Variants in DPP6 observed in about 807,000 individuals in gnomAD.
DPP6 encodes the protein dipeptidyl peptidase like 6, also known as A-type potassium channel modulatory protein DPP6.
A neutral mutation model predicts 122.6 loss-of-function variants in DPP6; 69 were observed. The ratio of observed to expected loss-of-function variants is 0.56; its 90% CI spans 0.46 to 0.69. The LOEUF (loss-of-function observed/expected upper bound fraction) is 0.69. Ranked by LOEUF, DPP6 falls within the 30% of genes least tolerant of loss-of-function variation. The pLI is 0.00. For synonymous variants in DPP6, 418 were observed against 433.1 expected, an observed-to-expected ratio of 0.97 and a Z score of 0.43; for missense variants, 928 against 1,116.9, an observed-to-expected ratio of 0.83 and a Z score of 2.41.
chr7:154,053,150 G>C (rs891056548), intron 1 of DPP6, 87 bp downstream of exon 1: 28 of 916,732 alleles, frequency 3.1e-5, no homozygotes, highest in South Asian at 2.9e-4. Flanking sequence ...AATTTTTTTT[G>C]GGGGGGGAAT....
At chr7:154,128,494 T>C (rs28475733) in intron 1 of DPP6, among the ~76,000 whole-genome samples, 1 of 152,086 alleles carries the variant, frequency 6.6e-6, no homozygotes, top group Non-Finnish European at 1.5e-5. Flanking sequence ...CTCCGCCTCC[T>C]GGGTTCACGC....
intron 1 of DPP6, among the ~76,000 whole-genome samples, chr7:154,375,825 T>G (rs1483656451): frequency 6.6e-6 from 1 of 152,206 alleles, no homozygotes; most frequent in Non-Finnish European, 1.5e-5. Flanking sequence ...TGGTGACCTC[T>G]CAAGACCTTT....
intron 6 of DPP6, among the ~76,000 whole-genome samples, chr7:154,645,984 T>G (rs979313005): frequency 8.2e-6 from 1 of 121,226 alleles, no homozygotes; most frequent in African/African-American, 3.1e-5. Context: ...GCCGAGACTG[T>G]GCCACTGCAC....
chr7:154,094,315 T>C (rs1422056395), intron 1 of DPP6: 6 of 152,304 alleles, frequency 3.9e-5, no homozygotes, highest in Non-Finnish European at 8.8e-5. Context: ...AAGGGAAAGT[T>C]AGCACTGTTG....
intron 8 of DPP6, among the ~76,000 whole-genome samples, chr7:154,753,549 G>A (rs901407333): frequency 7.2e-5 from 11 of 152,196 alleles, no homozygotes; most frequent in Non-Finnish European, 2.9e-5. Flanking sequence ...CTGTGTTTGA[G>A]AGAAGGCTGT....
intron 6 of DPP6, among the ~76,000 whole-genome samples, chr7:154,650,354 G>A (rs564412968): frequency 6.6e-6 from 1 of 151,880 alleles, no homozygotes; most frequent in East Asian, 1.9e-4. Context: ...TGGAGAGGAG[G>A]GCAGAGGAGG....
At chr7:154,388,267 A>G (rs967414909) in intron 1 of DPP6, among the ~76,000 whole-genome samples, 2 of 152,210 alleles carry the variant, frequency 1.3e-5, no homozygotes, top group Non-Finnish European at 2.9e-5. Context: ...AGCCTGGGCA[A>G]CAGAGTGAGA....
At position 154,225,726 on chromosome 7, in the gene DPP6, CA is replaced by C. The variant is rs1585676039; in HGVS notation, c.243+172664del. Among the ~76,000 whole-genome samples the C allele has an allele frequency of 4.6e-5, 7 of 151,982 alleles. No homozygotes were observed. The East Asian group carries it at 1.4e-3, about 29-fold the overall frequency. ...GATAAATAGCCTGATATTTAAAGAA[CA>C]GAGACATTTACTAACTTTTCTAAAG... On this transcript the variant is annotated intron_variant, in intron 1 of 25. Coordinates refer to ENST00000377770, the MANE Select transcript of DPP6 (RefSeq NM_130797.4).
chr7:154,305,041 AGCCCCAGCCCCAGCCC>A (rs1371070874), intron 1 of DPP6: 1 of 11,912 alleles, frequency 8.4e-5, no homozygotes, highest in East Asian at 2.3e-3. Flanking sequence ...CCCCAGCCCC[AGCCCCAGCCCCAGCCC>A]CAGCCCCAGC....
At chr7:154,519,177 A>G (rs1826774776) in intron 3 of DPP6, among the ~76,000 whole-genome samples, 1 of 152,226 alleles carries the variant, frequency 6.6e-6, no homozygotes, top group South Asian at 2.1e-4. Flanking sequence ...GGTCAAAGTC[A>G]GAAGGGAAAG....
At chr7:153,814,595 C>T in the DPP6 span, among the ~76,000 whole-genome samples, 1 of 152,166 alleles carries the variant, frequency 6.6e-6, no homozygotes, top group South Asian at 2.1e-4. Flanking sequence ...GGAATCCTCC[C>T]TAATTCATTT....
rs185005995 is a variant in DPP6, at chr7:154,018,093, G to A, written c.51+130359G>A. ...AGCTGGGCACTCAGGGTTATATGTGGTAGCCACAGCAGGGTGATTTGCAAC... is the reference window on the plus strand; with the variant it reads ...AGCTGGGCACTCAGGGTTATATGTGATAGCCACAGCAGGGTGATTTGCAAC... On this transcript the variant is annotated intron_variant, in intron 1 of 25. Coordinates refer to the DPP6 transcript ENST00000404039. Among the ~76,000 whole-genome samples the A allele has an allele frequency of 9.4e-3, 1,432 of 152,150 alleles. 17 individuals carry two copies. The highest frequency in any genetic ancestry group is 0.015 in the Admixed American group (229 of 15,274).
At chr7:153,995,054 G>C (rs1282924353) in intron 1 of DPP6, among the ~76,000 whole-genome samples, 1 of 152,206 alleles carries the variant, frequency 6.6e-6, no homozygotes, top group Non-Finnish European at 1.5e-5. Flanking sequence ...AGCCTGCCTG[G>C]AGCAAAGGAA....
intron 1 of DPP6, among the ~76,000 whole-genome samples, chr7:154,318,027 A>G (rs1163223836): frequency 3.3e-5 from 5 of 152,236 alleles, no homozygotes; most frequent in Non-Finnish European, 7.3e-5. Flanking sequence ...GAAACTCCAA[A>G]TAACTTTTAG....
the DPP6 span, among the ~76,000 whole-genome samples, chr7:153,786,770 T>C: frequency 2.0e-5 from 2 of 101,962 alleles, no homozygotes; most frequent in Non-Finnish European, 4.5e-5. Flanking sequence ...AAAGATATAC[T>C]ACTATTTTGG....
intron 21 of DPP6, chr7:154,884,659 TCA>T (rs142417993): frequency 0.33 from 48,969 of 149,000 alleles, 8,102 homozygotes; most frequent in East Asian, 0.51. Flanking sequence ...CCATACATGC[TCA>T]CACACACACA....
At chr7:154,365,015 G>T (rs1812035005) in intron 1 of DPP6, among the ~76,000 whole-genome samples, 1 of 152,104 alleles carries the variant, frequency 6.6e-6, no homozygotes, top group Non-Finnish European at 1.5e-5. Flanking sequence ...GAAGTGGGAG[G>T]GTTCTATCAG....
chr7:154,587,877 A>AT (rs1450314528), intron 5 of DPP6: 1 of 1,612,744 alleles, frequency 6.2e-7, no homozygotes, highest in African/African-American at 1.3e-5. Context: ...CAGATATTCC[A>AT]TGGAGACCCT....
chr7:154,484,167 A>G (rs1425116684), intron 3 of DPP6, among the ~76,000 whole-genome samples: 1 of 151,952 alleles, frequency 6.6e-6, no homozygotes, highest in African/African-American at 2.4e-5. Flanking sequence ...GTTGCAGACT[A>G]TAGTAGGGGA....
Sources: gnomAD v4.1 joint callset for allele counts (sites outside exome capture counted in the v4.1 genomes callset) on GRCh38, gnomAD v4.1.1 for gene constraint, MANE v1.5 for transcripts, NCBI Gene and HGNC (gene_info 2026-07-23, HGNC 2026-07-21) for gene names.